BCAS3: variants seen among roughly 807,000 people sequenced by gnomAD.
BCAS3 encodes BCAS3 microtubule associated cell migration factor.
A neutral mutation model predicts 116.1 loss-of-function variants in BCAS3; 53 were observed. That is an observed-to-expected ratio of 0.46 (90% CI 0.37 to 0.57). The LOEUF is 0.57. BCAS3 is among the 20% of genes least tolerant of loss of function. The pLI is 0.00. For missense variants in BCAS3, 917 were observed against 1,165.4 expected (o/e 0.79, Z 3.10); for synonymous variants, 391 against 408.2 (o/e 0.96, Z 0.51).
chr17:61,221,039 G>T (rs186449657), intron 22 of BCAS3, among the ~76,000 whole-genome samples: 9 of 152,210 alleles, frequency 5.9e-5, no homozygotes, highest in Admixed American at 4.6e-4. Flanking sequence ...GGCAGAGCTC[G>T]CAGTGAGCCG....
chr17:61,156,839 A>G lies in BCAS3; in HGVS notation c.2425+72275A>G, dbSNP rs955912829. On this transcript the variant is annotated intron_variant, in intron 22 of 23. Coordinates refer to ENST00000407086, the MANE Select transcript of BCAS3 (RefSeq NM_017679.5). The surrounding 1 kb of genome is among the most constrained non-coding windows in gnomAD (Gnocchi z 4.7). ...AAGCTGGTACATACAGACCACCTCA[A>G]CGATGGACTCCTTTATGAATGATTT... is the stretch of plus-strand genomic sequence containing the variant. Among the ~76,000 whole-genome samples the G allele has an allele frequency of 6.6e-6, 1 of 152,182 alleles. No individual in the cohort carries two copies. The highest frequency in any genetic ancestry group is 2.1e-4 in the South Asian group (1 of 4,828).
chr17:61,389,495 C>T (rs1326875859), intron 23 of BCAS3: 2 of 152,340 alleles, frequency 1.3e-5, no homozygotes, highest in African/African-American at 2.4e-5. Context: ...GTACATAGCC[C>T]ACTCTGGCTT....
intron 11 of BCAS3, among the ~76,000 whole-genome samples, chr17:60,909,349 T>A (rs2058363649): frequency 1.3e-5 from 2 of 152,320 alleles, no homozygotes; most frequent in South Asian, 4.1e-4. Flanking sequence ...TGAAATACCA[T>A]GTATATAATA....
chr17:60,787,788 A>T (rs1433787062), intron 6 of BCAS3, among the ~76,000 whole-genome samples: 1 of 152,114 alleles, frequency 6.6e-6, no homozygotes, highest in African/African-American at 2.4e-5. Flanking sequence ...GAAGTGCAGC[A>T]TTACTGAGGC....
chr17:61,155,605 C>G (rs1420310761), intron 22 of BCAS3, among the ~76,000 whole-genome samples: 1 of 151,918 alleles, frequency 6.6e-6, no homozygotes, highest in East Asian at 1.9e-4. Flanking sequence ...GAGAGAGATA[C>G]AGGCTCCCAG....
intron 22 of BCAS3, among the ~76,000 whole-genome samples, chr17:61,341,231 T>C (rs1321377694): frequency 6.6e-6 from 1 of 151,864 alleles, no homozygotes; most frequent in African/African-American, 2.4e-5. Context: ...AGTTGGGGGT[T>C]TTATGAAAGA....
At chr17:60,873,750 G>T (rs907005898) in intron 8 of BCAS3, among the ~76,000 whole-genome samples, 1 of 152,138 alleles carries the variant, frequency 6.6e-6, no homozygotes. Context: ...AAATTCATCC[G>T]CCATTTAAAC....
intron 5 of BCAS3, among the ~76,000 whole-genome samples, chr17:60,733,476 C>A (rs1598363631): frequency 6.6e-6 from 1 of 152,130 alleles, no homozygotes; most frequent in Non-Finnish European, 1.5e-5. Context: ...GACAGAAAGG[C>A]AAAATGCACT....
At position 61,097,488 on chromosome 17, in the gene BCAS3, T is replaced by C. The variant is rs2074055333; in HGVS notation, c.2425+12924T>C. ...CCAGCCTCTTTATTTCTTAGGTTTATATTTAAGTGATGGTTTGGACTTTTG... is the reference window on the plus strand; with the variant it reads ...CCAGCCTCTTTATTTCTTAGGTTTACATTTAAGTGATGGTTTGGACTTTTG... On this transcript the variant is annotated intron_variant, in intron 22 of 23. Coordinates refer to ENST00000407086, the MANE Select transcript of BCAS3 (RefSeq NM_017679.5). The surrounding 1 kb of genome is among the most constrained non-coding windows in gnomAD (Gnocchi z 4.0). Among the ~76,000 whole-genome samples the C allele has an allele frequency of 6.6e-6, 1 of 152,164 alleles. No individual in the cohort carries two copies. The highest frequency in any genetic ancestry group is 2.1e-4 in the South Asian group (1 of 4,828).
At chr17:60,824,906 C>T (rs571885598) in intron 7 of BCAS3, among the ~76,000 whole-genome samples, 1 of 152,268 alleles carries the variant, frequency 6.6e-6, no homozygotes, top group South Asian at 2.1e-4. Context: ...TGGCTCTTGC[C>T]CATAATCCCA....
At chr17:61,260,728 C>T (rs1724625908) in intron 22 of BCAS3, among the ~76,000 whole-genome samples, 1 of 152,170 alleles carries the variant, frequency 6.6e-6, no homozygotes, top group African/African-American at 2.4e-5. Context: ...CACTTTGTAC[C>T]GACTAACATA....
intron 22 of BCAS3, among the ~76,000 whole-genome samples, chr17:61,240,891 C>T (rs1484945317): frequency 6.6e-6 from 1 of 152,070 alleles, no homozygotes; most frequent in South Asian, 2.1e-4. Context: ...TAAAAGGTAC[C>T]AAGGGCTGTT....
intron 17 of BCAS3, among the ~76,000 whole-genome samples, chr17:61,036,688 C>G (rs1173606887): frequency 1.3e-5 from 2 of 152,082 alleles, no homozygotes; most frequent in African/African-American, 4.8e-5. Flanking sequence ...TTATATGCTC[C>G]TAGGTTTACT....
rs576005336 is a variant in BCAS3 at position 61,037,168 on chromosome 17, A to C, written c.1763-721A>C. Among the ~76,000 whole-genome samples, 1 of 152,332 alleles carries C rather than the reference A, an allele frequency of 6.6e-6. No individual in the cohort carries two copies. Among genetic ancestry groups the C allele is most frequent in the Admixed American group, 6.5e-5 (1 of 15,302 alleles). Reference sequence around the variant, plus strand: ...GATGAGACATTAGGCTGATTTAGGCATACAACTAACCTTTCATGCAAGTCA... The same window carrying C: ...GATGAGACATTAGGCTGATTTAGGCCTACAACTAACCTTTCATGCAAGTCA... On this transcript the variant is annotated intron_variant, in intron 17 of 23. Coordinates refer to ENST00000407086, the MANE Select transcript of BCAS3 (RefSeq NM_017679.5). The surrounding 1 kb of genome is among the most constrained non-coding windows in gnomAD (Gnocchi z 4.7).
chr17:60,703,742 G>A (rs900880349), intron 4 of BCAS3, among the ~76,000 whole-genome samples: 3 of 149,414 alleles, frequency 2.0e-5, no homozygotes, highest in East Asian at 2.0e-4. Context: ...GTGAAACCCC[G>A]TTTCTACTAA....
In BCAS3 at chr17:61,145,473, T is replaced by C. The variant is rs2077148286; in HGVS notation, c.2425+60909T>C. ...GGGGAGGACCATTGGGAGAATGTTCTGAGGAGAAGAGAGGCTCTCTTCACA... is the reference window on the plus strand; with the variant it reads ...GGGGAGGACCATTGGGAGAATGTTCCGAGGAGAAGAGAGGCTCTCTTCACA... On this transcript the variant is annotated intron_variant, in intron 22 of 23. Coordinates refer to ENST00000407086, the MANE Select transcript of BCAS3 (RefSeq NM_017679.5). The surrounding 1 kb of genome is among the most constrained non-coding windows in gnomAD (Gnocchi z 5.0). Among the ~76,000 whole-genome samples the C allele has an allele frequency of 6.6e-6, 1 of 152,130 alleles. No individual in the cohort carries two copies. Among genetic ancestry groups the C allele is most frequent in the Non-Finnish European group, 1.5e-5 (1 of 68,018 alleles).
At chr17:60,988,360 T>TTTTTTTTTTTTTTTG (rs1555651709) in intron 14 of BCAS3, among the ~76,000 whole-genome samples, 32 of 134,880 alleles carry the variant, frequency 2.4e-4, no homozygotes, top group African/African-American at 9.5e-4. Flanking sequence ...TTTTTTTTTT[T>TTTTTTTTTTTTTTTG]ATGTATGTGT....
intron 12 of BCAS3, among the ~76,000 whole-genome samples, chr17:60,911,191 C>T (rs2058491289): frequency 7.9e-6 from 1 of 125,956 alleles, no homozygotes; most frequent in Non-Finnish European, 1.6e-5. Flanking sequence ...GGAGTGATCT[C>T]AGCTCACTGC....
chr17:60,807,964 A>G (rs1223322324), intron 6 of BCAS3, 40 bp from the exon 7 acceptor site: 6 of 1,388,910 alleles, frequency 4.3e-6, no homozygotes, highest in Non-Finnish European at 4.0e-6. Context: ...ATACAATAAT[A>G]TTCCTCAAAG....
Sources: allele counts gnomAD v4.1 joint callset (sites outside exome capture counted in the v4.1 genomes callset), GRCh38; gene constraint gnomAD v4.1.1; non-coding constraint Gnocchi (gnomAD v3.1); transcripts MANE v1.5; gene names NCBI Gene and HGNC (gene_info 2026-07-23, HGNC 2026-07-21).